RIN2: variants seen among roughly 807,000 people sequenced by gnomAD.
The protein encoded by RIN2 is RAB5 interacting protein 2.
In RIN2, 36 loss-of-function variants were observed where a neutral mutation model predicts 78.0. The ratio of observed to expected loss-of-function variants is 0.46; its 90% CI spans 0.35 to 0.61. The LOEUF is 0.61. RIN2 is among the 20% of genes least tolerant of loss of function. RIN2 has a pLI of 0.00. For missense variants in RIN2, 1,087 were observed against 1,159.7 expected (o/e 0.94, Z 0.91); for synonymous variants, 466 against 466.8 (o/e 1.00, Z 0.02).
chr20:19,926,021 A>G (rs2040208750), intron 3 of RIN2, among the ~76,000 whole-genome samples: 2 of 152,224 alleles, frequency 1.3e-5, no homozygotes, highest in African/African-American at 4.8e-5. Flanking sequence ...CCCACTTACA[A>G]CAAATGAACC....
At chr20:19,883,181 G>A (rs1030892782) in intron 2 of RIN2, among the ~76,000 whole-genome samples, 2 of 152,166 alleles carry the variant, frequency 1.3e-5, no homozygotes, top group African/African-American at 4.8e-5. Flanking sequence ...TGGGCCACCG[G>A]TGCAGGAGAA....
In RIN2 at chr20:19,935,108, A is replaced by G. The variant is rs1293839695; in HGVS notation, c.67A>G (p.Thr23Ala). The change falls in exon 4 of 13, where the codon ACA becomes GCA. Residue 23 changes from threonine to alanine, a missense_variant. Transcript: ENST00000255006. The part of the protein sequence containing the change: ...KRGSFFKLID[T>A]IASEIGELKQ... ...TTTTGTCTTTGAATAGCTCATTGAC[A>G]CAATTGCCTCGGAGATCGGAGAACT... The G allele has an allele frequency of 1.9e-6, 3 of 1,595,620 alleles. No individual in the cohort carries two copies. The African/African-American group carries it at 4.0e-5, about 21-fold the overall frequency.
intron 3 of RIN2, among the ~76,000 whole-genome samples, chr20:19,927,161 A>G (rs1450787642): frequency 6.6e-6 from 1 of 152,232 alleles, no homozygotes; most frequent in Non-Finnish European, 1.5e-5. Context: ...TCTTTCCAGG[A>G]GGGGAGGTAC....
intron 4 of RIN2, among the ~76,000 whole-genome samples, chr20:19,946,028 A>T (rs2041073847): frequency 6.6e-6 from 1 of 152,188 alleles, no homozygotes; most frequent in Admixed American, 6.5e-5. Flanking sequence ...TGCCCCTAAG[A>T]ATATTTCTCC....
At chr20:19,941,361 C>T (rs2040863410) in intron 4 of RIN2, among the ~76,000 whole-genome samples, 2 of 152,152 alleles carry the variant, frequency 1.3e-5, no homozygotes, top group Non-Finnish European at 1.5e-5. Flanking sequence ...GGGAAAGATG[C>T]CCAGAGTTCC....
intron 1 of RIN2, among the ~76,000 whole-genome samples, chr20:19,777,461 TC>T (rs374546430): frequency 5.4e-4 from 83 of 152,378 alleles, no homozygotes; most frequent in African/African-American, 1.9e-3. Context: ...AGATTAAAAT[TC>T]CACACTCCAG....
At chr20:19,959,506 G>T (rs2041667823) in intron 5 of RIN2, among the ~76,000 whole-genome samples, 1 of 152,152 alleles carries the variant, frequency 6.6e-6, no homozygotes, top group Non-Finnish European at 1.5e-5. Flanking sequence ...GGTGCCAGGA[G>T]AAAAGAGAAC....
intron 2 of RIN2, among the ~76,000 whole-genome samples, chr20:19,888,406 G>A (rs148684111): frequency 7.7e-4 from 118 of 152,278 alleles, no homozygotes; most frequent in Middle Eastern, 3.4e-3. Context: ...TTGTTGAAAC[G>A]TCCCTAAATA....
intron 2 of RIN2, among the ~76,000 whole-genome samples, chr20:19,876,167 A>G (rs949958572): frequency 1.3e-5 from 2 of 152,246 alleles, no homozygotes; most frequent in African/African-American, 4.8e-5. Context: ...GAAAAGAGGA[A>G]GCAGACTCCA....
chr20:19,805,788 A>G (rs555247536), intron 2 of RIN2, among the ~76,000 whole-genome samples: 1 of 152,040 alleles, frequency 6.6e-6, no homozygotes, highest in Non-Finnish European at 1.5e-5. Flanking sequence ...TTACATAGGT[A>G]TACATGTGCC....
intron 3 of RIN2, among the ~76,000 whole-genome samples, chr20:19,913,469 G>A (rs1057363062): frequency 6.6e-6 from 1 of 152,146 alleles, no homozygotes; most frequent in African/African-American, 2.4e-5. Context: ...ATTTTTAAAT[G>A]TACAATTCTG....
At chr20:19,832,905 A>T (rs2036291802) in intron 2 of RIN2, among the ~76,000 whole-genome samples, 1 of 152,158 alleles carries the variant, frequency 6.6e-6, no homozygotes, top group African/African-American at 2.4e-5. Context: ...CCCACCTCTT[A>T]ACACTGTTGC....
Position 19,794,667 on chromosome 20 carries a change from A to G in RIN2, c.-162-4955A>G, listed in dbSNP as rs75254667. On this transcript the variant is annotated intron_variant, in intron 1 of 12. Coordinates refer to ENST00000255006, the MANE Select transcript of RIN2 (RefSeq NM_018993.4). ...TACTTCAGTTTCTAGAGTTGTGACT[A>G]CTGGATTAAGAAAAATTAAATCTAG... Among the ~76,000 whole-genome samples the G allele has an allele frequency of 4.2e-3, 639 of 151,716 alleles. 5 individuals carry two copies. Among genetic ancestry groups the G allele is most frequent in the African/African-American group, 0.014 (595 of 41,402 alleles).
chr20:19,920,909 G>A (rs1371291400), intron 3 of RIN2, among the ~76,000 whole-genome samples: 1 of 152,184 alleles, frequency 6.6e-6, no homozygotes, highest in African/African-American at 2.4e-5. Context: ...CTGACCTCAA[G>A]TGATCCACCT....
At chr20:19,874,507 G>A (rs1448954738) in intron 2 of RIN2, among the ~76,000 whole-genome samples, 1 of 152,216 alleles carries the variant, frequency 6.6e-6, no homozygotes, top group African/African-American at 2.4e-5. Flanking sequence ...GGGTGCTCAA[G>A]ACAGCACACC....
chr20:19,989,876 G>A, intron 9 of RIN2, 130 bp from the exon 10 acceptor site: 1 of 866,292 alleles, frequency 1.2e-6, no homozygotes, highest in Non-Finnish European at 1.7e-6. Flanking sequence ...CTGTTGGTTG[G>A]ATGTTAAGGT....
intron 4 of RIN2, among the ~76,000 whole-genome samples, chr20:19,947,704 A>G (rs564668387): frequency 1.3e-5 from 2 of 152,378 alleles, no homozygotes; most frequent in Admixed American, 6.5e-5. Flanking sequence ...ACGAGCCCTC[A>G]GGCTTCAAGA....
chr20:19,758,413 T>G (rs1232064927), intron 1 of RIN2, 86 bp downstream of exon 1: 1 of 152,280 alleles, frequency 6.6e-6, no homozygotes, highest in Non-Finnish European at 1.5e-5. Context: ...CGGGGCTCTC[T>G]GGGGTTCCAG....
chr20:19,971,435 A>C (rs978792969), intron 8 of RIN2, among the ~76,000 whole-genome samples: 1 of 152,154 alleles, frequency 6.6e-6, no homozygotes, highest in Non-Finnish European at 1.5e-5. Context: ...ATGGTTGACA[A>C]TGGATCAAGA....
Sources: allele counts gnomAD v4.1 joint callset (sites outside exome capture counted in the v4.1 genomes callset), GRCh38; gene constraint gnomAD v4.1.1; transcripts MANE v1.5; gene names NCBI Gene and HGNC (gene_info 2026-07-23, HGNC 2026-07-21).